The following SLC9A9 variants were observed in gnomAD, a reference collection of about 807,000 sequenced individuals.
SLC9A9 encodes solute carrier family 9 member A9.
SLC9A9 carries 62 observed loss-of-function variants against 77.8 expected under a neutral mutation model. That is an observed-to-expected ratio of 0.80 (90% confidence interval 0.65 to 0.98). The LOEUF (loss-of-function observed/expected upper bound fraction) is 0.98, where lower values mean the gene tolerates loss of function less well. Ranked by LOEUF, SLC9A9 falls within the 50% of genes least tolerant of loss-of-function variation. The probability of loss-of-function intolerance (pLI) is 0.00; values close to 1 mark genes in which losing one functional copy is unlikely to be tolerated. For missense variants in SLC9A9, 775 were observed against 774.9 expected, an observed-to-expected ratio of 1.00 and a Z score of 0.00; for synonymous variants, 320 against 283.5, an observed-to-expected ratio of 1.13 and a Z score of -1.29.
chr3:143,832,212 A>T lies in SLC9A9; in HGVS notation c.185T>A (p.Met62Lys). ...TGTAGCATATCGTAAAATTAGTCCCATTATAAGGCCTAAAAAAAAAAGAAT... is the reference window on the plus strand; with the variant it reads ...TGTAGCATATCGTAAAATTAGTCCCTTTATAAGGCCTAAAAAAAAAAGAAT... Reference protein sequence around the residue: ...TGGAMVYGLIMGLILRYATAP... With the variant: ...TGGAMVYGLIKGLILRYATAP... The change falls in exon 2 of 16, where the codon ATG becomes AAG. Residue 62 changes from methionine to lysine, a missense_variant. Coordinates refer to ENST00000316549, the MANE Select transcript of SLC9A9 (RefSeq NM_173653.4). 3.1e-6 allele frequency: 5 copies of T among 1,611,362 alleles called. No individual in the cohort carries two copies. The highest frequency in any genetic ancestry group is 4.2e-6 in the Non-Finnish European group (5 of 1,179,088).
chr3:143,814,127 C>T (rs1336064907), intron 2 of SLC9A9, among the ~76,000 whole-genome samples: 1 of 152,128 alleles, frequency 6.6e-6, no homozygotes, highest in Non-Finnish European at 1.5e-5. Context: ...CCATAAGGAA[C>T]CTATGTTTCT....
At chr3:143,617,471 C>T (rs1002811965) in intron 6 of SLC9A9, among the ~76,000 whole-genome samples, 21 of 152,174 alleles carry the variant, frequency 1.4e-4, no homozygotes, top group African/African-American at 4.3e-4. Context: ...ACTGGTGGCC[C>T]GTGGGCTTCA....
chr3:143,689,860 G>T (rs1025282229), intron 5 of SLC9A9, among the ~76,000 whole-genome samples: 1 of 151,970 alleles, frequency 6.6e-6, no homozygotes, highest in Non-Finnish European at 1.5e-5. Context: ...AGGGTAAACC[G>T]AAAACCAACC....
intron 12 of SLC9A9, among the ~76,000 whole-genome samples, chr3:143,436,325 A>C (rs1015890421): frequency 6.6e-5 from 10 of 152,214 alleles, no homozygotes; most frequent in Admixed American, 3.9e-4. Flanking sequence ...AATGAGCCAG[A>C]CGTTGACGGT....
intron 12 of SLC9A9, among the ~76,000 whole-genome samples, chr3:143,421,651 C>T (rs927252270): frequency 1.3e-5 from 2 of 152,076 alleles, no homozygotes; most frequent in African/African-American, 4.8e-5. Context: ...TAGAAAGAAA[C>T]CCAGGAAATA....
chr3:143,327,099 AAC>A (rs60736550), intron 14 of SLC9A9, among the ~76,000 whole-genome samples: 17,071 of 152,120 alleles, frequency 0.11, 1,050 homozygotes, highest in South Asian at 0.16. Flanking sequence ...AGGAGACGGA[AAC>A]ATAGTCCTCT....
At chr3:143,343,900 G>T (rs902050982) in intron 14 of SLC9A9, among the ~76,000 whole-genome samples, 1 of 152,120 alleles carries the variant, frequency 6.6e-6, no homozygotes, top group Admixed American at 6.5e-5. Context: ...TAACCAGCTT[G>T]CAAGTTATGG....
At chr3:143,423,687 G>C (rs1176196497) in intron 12 of SLC9A9, among the ~76,000 whole-genome samples, 1 of 152,192 alleles carries the variant, frequency 6.6e-6, no homozygotes, top group Non-Finnish European at 1.5e-5. Flanking sequence ...TGAGGACTGA[G>C]ATATTTATAT....
intron 1 of SLC9A9, among the ~76,000 whole-genome samples, chr3:143,844,532 G>A (rs969923886): frequency 3.3e-5 from 5 of 152,116 alleles, no homozygotes; most frequent in Admixed American, 2.0e-4. Context: ...AACAGTACTC[G>A]GTGGAGTAGG....
intron 11 of SLC9A9, among the ~76,000 whole-genome samples, chr3:143,489,042 C>A (rs926543926): frequency 1.1e-4 from 16 of 151,862 alleles, no homozygotes; most frequent in African/African-American, 3.6e-4. Context: ...AGCAAAGTAG[C>A]AAGACATAAA....
intron 12 of SLC9A9, among the ~76,000 whole-genome samples, chr3:143,449,879 TATAA>T (rs2034957833): frequency 1.3e-5 from 1 of 79,530 alleles, no homozygotes; most frequent in Non-Finnish European, 2.1e-5. Context: ...TATATAATTA[TATAA>T]ATATATAATT....
chr3:143,413,881 G>T (rs547873575), intron 12 of SLC9A9, among the ~76,000 whole-genome samples: 1 of 152,182 alleles, frequency 6.6e-6, no homozygotes. Context: ...GCAGTCTTAC[G>T]TGGGTGAAAA....
At chr3:143,289,155 C>A (rs982112790) in intron 14 of SLC9A9, among the ~76,000 whole-genome samples, 2 of 152,134 alleles carry the variant, frequency 1.3e-5, no homozygotes, top group Non-Finnish European at 2.9e-5. Context: ...CTGTAATTAG[C>A]ATGGGTGGGA....
At chr3:143,531,890 C>G (rs537878013) in intron 9 of SLC9A9, among the ~76,000 whole-genome samples, 57 of 152,258 alleles carry the variant, frequency 3.7e-4, no homozygotes, top group Middle Eastern at 3.4e-3. Context: ...CAGACTGTTA[C>G]TAAGACATCC....
intron 8 of SLC9A9, among the ~76,000 whole-genome samples, chr3:143,561,806 A>C (rs917557192): frequency 6.6e-6 from 1 of 152,248 alleles, no homozygotes; most frequent in Non-Finnish European, 1.5e-5. Flanking sequence ...GAAGACAAGA[A>C]GGAATAACTT....
chr3:143,838,587 T>C (rs553069403), intron 1 of SLC9A9, among the ~76,000 whole-genome samples: 2 of 152,282 alleles, frequency 1.3e-5, no homozygotes, highest in South Asian at 4.1e-4. Flanking sequence ...GAAGTTAACA[T>C]CATATTTAGT....
chr3:143,812,177 T>C (rs923003254), intron 2 of SLC9A9, among the ~76,000 whole-genome samples: 3 of 152,226 alleles, frequency 2.0e-5, no homozygotes, highest in Non-Finnish European at 2.9e-5. Context: ...GTATTACTCC[T>C]AAGAAGGGTA....
At chr3:143,409,781 A>G (rs1397529881) in intron 12 of SLC9A9, among the ~76,000 whole-genome samples, 4 of 152,228 alleles carry the variant, frequency 2.6e-5, no homozygotes, top group Non-Finnish European at 5.9e-5. Flanking sequence ...AGATTTGTTT[A>G]AAAGAGTTAT....
chr3:143,586,302 C>G (rs1205975051), intron 6 of SLC9A9, among the ~76,000 whole-genome samples: 1 of 152,206 alleles, frequency 6.6e-6, no homozygotes, highest in Non-Finnish European at 1.5e-5. Context: ...TAACCCCAAT[C>G]TGGTAAACAG....
Sources: gnomAD v4.1 joint callset for allele counts (sites outside exome capture counted in the v4.1 genomes callset) on GRCh38, gnomAD v4.1.1 for gene constraint, MANE v1.5 for transcripts, NCBI Gene and HGNC (gene_info 2026-07-23, HGNC 2026-07-21) for gene names.